FRMD4A: variants seen among roughly 807,000 people sequenced by gnomAD.
FRMD4A encodes FERM domain-containing protein 4A.
FRMD4A carries 29 observed loss-of-function variants against 129.1 expected under a neutral mutation model. That is an observed-to-expected ratio of 0.22 (90% CI 0.17 to 0.31). The LOEUF is 0.31. Ranked by LOEUF, FRMD4A falls within the 10% of genes least tolerant of loss-of-function variation. The pLI is 1.00. For missense variants in FRMD4A, 1,272 were observed against 1,375.8 expected, an observed-to-expected ratio of 0.92 and a Z score of 1.19; for synonymous variants, 634 against 571.6, an observed-to-expected ratio of 1.11 and a Z score of -1.56.
At chr10:13,672,326 A>G (rs1287336109) in intron 16 of FRMD4A, among the ~76,000 whole-genome samples, 1 of 152,194 alleles carries the variant, frequency 6.6e-6, no homozygotes, top group African/African-American at 2.4e-5. Flanking sequence ...AAATGTCTCC[A>G]AAGTAGTTAA....
intron 2 of FRMD4A, among the ~76,000 whole-genome samples, chr10:14,126,404 T>C (rs965675120): frequency 1.3e-5 from 2 of 152,040 alleles, no homozygotes; most frequent in Admixed American, 6.6e-5. Flanking sequence ...CTCTTGACCT[T>C]GTGATCCACC....
chr10:13,704,945 A>G (rs1024511241), intron 13 of FRMD4A, among the ~76,000 whole-genome samples: 2 of 151,166 alleles, frequency 1.3e-5, no homozygotes, highest in African/African-American at 4.9e-5. Flanking sequence ...GTGTGTACCT[A>G]TAGTCCCAGC....
At chr10:13,953,596 C>T (rs2095388754) in intron 2 of FRMD4A, among the ~76,000 whole-genome samples, 1 of 152,176 alleles carries the variant, frequency 6.6e-6, no homozygotes. Context: ...ACCTAGTAGC[C>T]ATCTTGGTTC....
At chr10:13,886,446 G>A (rs1000606482) in intron 2 of FRMD4A, among the ~76,000 whole-genome samples, 2 of 152,126 alleles carry the variant, frequency 1.3e-5, no homozygotes, top group African/African-American at 4.8e-5. Flanking sequence ...CTTTAAGGTT[G>A]GTAATGCATT....
intron 4 of FRMD4A, among the ~76,000 whole-genome samples, chr10:13,806,018 CA>C (rs1318156504): frequency 1.3e-5 from 2 of 152,146 alleles, no homozygotes; most frequent in African/African-American, 4.8e-5. Flanking sequence ...CTACCACACC[CA>C]TTTAATTTCT....
intron 2 of FRMD4A, among the ~76,000 whole-genome samples, chr10:13,888,325 C>T (rs886151315): frequency 3.3e-5 from 5 of 152,198 alleles, no homozygotes; most frequent in Non-Finnish European, 5.9e-5. Flanking sequence ...ATGCAATGAT[C>T]CCTTTTCTTC....
chr10:13,884,214 A>ACACTCT (rs1564971865), intron 2 of FRMD4A, among the ~76,000 whole-genome samples: 3 of 115,326 alleles, frequency 2.6e-5, no homozygotes, highest in East Asian at 3.3e-4. Context: ...ACACTCACAC[A>ACACTCT]CACACACACA....
intron 17 of FRMD4A, among the ~76,000 whole-genome samples, chr10:13,666,643 C>G (rs986918443): frequency 1.3e-5 from 2 of 152,186 alleles, no homozygotes; most frequent in Admixed American, 1.3e-4. Context: ...CAAACCAAAG[C>G]CTTTGGAGAG....
chr10:14,204,922 G>A (rs906370167), intron 2 of FRMD4A, among the ~76,000 whole-genome samples: 14 of 152,080 alleles, frequency 9.2e-5, no homozygotes, highest in Admixed American at 2.6e-4. Context: ...GAGAAGAACC[G>A]ATGCCCCAAC....
At chr10:14,208,275 T>C (rs1029606263) in intron 2 of FRMD4A, among the ~76,000 whole-genome samples, 1 of 152,176 alleles carries the variant, frequency 6.6e-6, no homozygotes, top group African/African-American at 2.4e-5. Context: ...GAAGCTATTG[T>C]AGGCCAGAGT....
chr10:14,196,658 G>A (rs115865725), intron 2 of FRMD4A, among the ~76,000 whole-genome samples: 1,727 of 152,266 alleles, frequency 0.011, 32 homozygotes, highest in African/African-American at 0.039. Context: ...TTACAACAGA[G>A]TCTAAAGTGT....
intron 2 of FRMD4A, among the ~76,000 whole-genome samples, chr10:14,104,792 A>G (rs1837500194): frequency 6.6e-6 from 1 of 152,238 alleles, no homozygotes; most frequent in South Asian, 2.1e-4. Context: ...TAGAGCTCTC[A>G]CTGTGTGTGG....
At chr10:14,300,804 T>C (rs1443799440) in intron 2 of FRMD4A, among the ~76,000 whole-genome samples, 4 of 152,140 alleles carry the variant, frequency 2.6e-5, no homozygotes, top group African/African-American at 9.7e-5. Context: ...GGGGAGGTGT[T>C]ATGCACTGAA....
intron 2 of FRMD4A, among the ~76,000 whole-genome samples, chr10:14,186,272 TCA>T (rs1037207093): frequency 1.3e-5 from 2 of 152,090 alleles, no homozygotes; most frequent in African/African-American, 4.8e-5. Context: ...GCCTGTGATG[TCA>T]CAGTCTGAAC....
At chr10:14,123,115 AAAAAAAAC>A (rs1213922733) in intron 2 of FRMD4A, among the ~76,000 whole-genome samples, 438 of 16,400 alleles carry the variant, frequency 0.027, 2 homozygotes, top group Non-Finnish European at 0.047. Context: ...AACTATTTGC[AAAAAAAAC>A]AAAAAAACAA....
intron 3 of FRMD4A, among the ~76,000 whole-genome samples, chr10:13,813,529 T>A (rs141893978): frequency 6.6e-6 from 1 of 152,356 alleles, no homozygotes; most frequent in East Asian, 1.9e-4. Flanking sequence ...TTGAAAATAT[T>A]GTAAATCGAA....
At chr10:14,260,635 A>G (rs1844769195) in intron 2 of FRMD4A, among the ~76,000 whole-genome samples, 1 of 152,164 alleles carries the variant, frequency 6.6e-6, no homozygotes, top group Non-Finnish European at 1.5e-5. Context: ...TCTGATCTTC[A>G]CCACTTCAAA....
At chr10:14,311,608 C>T (rs1589295871) in intron 2 of FRMD4A, among the ~76,000 whole-genome samples, 1 of 130,710 alleles carries the variant, frequency 7.7e-6, no homozygotes, top group South Asian at 3.1e-4. Flanking sequence ...CACACTCTCT[C>T]TCCCCTCTCC....
At chr10:14,058,295 T>G (rs545387069) in intron 2 of FRMD4A, among the ~76,000 whole-genome samples, 1 of 152,346 alleles carries the variant, frequency 6.6e-6, no homozygotes, top group South Asian at 2.1e-4. Context: ...ACCTATTGCT[T>G]TTTTTCAAAG....
Sources: allele counts gnomAD v4.1 joint callset (sites outside exome capture counted in the v4.1 genomes callset), GRCh38; gene constraint gnomAD v4.1.1; transcripts MANE v1.5; gene names NCBI Gene and HGNC (gene_info 2026-07-23, HGNC 2026-07-21).